The following CENPK variants were observed in gnomAD, a reference collection of about 807,000 sequenced individuals.
The protein encoded by CENPK is SoxLZ/Sox6-binding protein Solt.
CENPK carries 46 observed loss-of-function variants against 40.9 expected under a neutral mutation model. That is an observed-to-expected ratio of 1.13 (90% CI 0.89 to 1.44). The LOEUF is 1.44. Among genes scored for constraint, CENPK ranks in the 40% most tolerant of loss-of-function variants. The pLI is 0.00. For synonymous variants in CENPK, 107 were observed against 104.4 expected (o/e 1.02, Z -0.15); for missense variants, 288 against 303.5 (o/e 0.95, Z 0.38).
the CENPK span, among the ~76,000 whole-genome samples, chr5:65,499,327 C>A: frequency 6.6e-6 from 1 of 150,870 alleles, no homozygotes; most frequent in Non-Finnish European, 1.5e-5. Context: ...GTTCGTTGAG[C>A]AATTGAAAAA....
intron 4 of CENPK, 99 bp downstream of exon 4, chr5:65,552,394 G>C (rs1408096762): frequency 1.6e-5 from 11 of 670,506 alleles, no homozygotes; most frequent in Non-Finnish European, 2.5e-5. Flanking sequence ...TATTAACAAA[G>C]GTATTAAACT....
chr5:65,527,497 CCATATATATATATATATATA>C (rs1744914123), intron 9 of CENPK, among the ~76,000 whole-genome samples: 1 of 86,270 alleles, frequency 1.2e-5, no homozygotes, highest in East Asian at 3.7e-4. Flanking sequence ...CTTATTAACA[CCATATATATATATATATATA>C]TATATATATA....
At chr5:65,521,640 G>C in intron 9 of CENPK, 112 bp from the exon 10 acceptor site, 1 of 766,276 alleles carries the variant, frequency 1.3e-6, no homozygotes, top group Non-Finnish European at 2.1e-6. Context: ...CATTCTTGGC[G>C]CCCAGGCTGG....
At position 65,529,398 on chromosome 5, in the gene CENPK, TACA is replaced by T. The variant is rs544070029; in HGVS notation, c.289-202_289-200del. On this transcript the variant is annotated intron_variant, in intron 6 of 10. Transcript: ENST00000396679. ...AATATTCTATGGTTAAATTAAAAAA[TACA>T]AGAGGTTTTGAGCAGTAAATTTTAA... 14 of 471,318 alleles carry T rather than the reference TACA, an allele frequency of 3.0e-5. No individual in the cohort carries two copies. In the Middle Eastern group the frequency reaches 1.7e-3, roughly 57 times the overall value. The allele number at this position is 471,318 out of a possible 1,614,324, so 29.2% of individuals were successfully genotyped here.
At chr5:65,559,528 C>T (rs1751584771) in intron 2 of CENPK, among the ~76,000 whole-genome samples, 1 of 149,910 alleles carries the variant, frequency 6.7e-6, no homozygotes, top group Admixed American at 6.7e-5. Context: ...ACTTGGGAGG[C>T]TGAGGCAGGA....
At chr5:65,497,293 G>A in the CENPK span, among the ~76,000 whole-genome samples, 2 of 151,108 alleles carry the variant, frequency 1.3e-5, no homozygotes, top group East Asian at 2.0e-4. Flanking sequence ...GCTTGAACCC[G>A]GGAGATGGAG....
At chr5:65,562,968 G>A (rs547228205) in intron 1 of CENPK, 130 bp downstream of exon 1, 48 of 187,478 alleles carry the variant, frequency 2.6e-4, no homozygotes, top group African/African-American at 1.0e-3. Context: ...GCGGGAAGCC[G>A]AGAAGAACGG....
At chr5:65,535,604 G>A (rs768579556) in intron 6 of CENPK, among the ~76,000 whole-genome samples, 13 of 152,122 alleles carry the variant, frequency 8.5e-5, no homozygotes, top group Non-Finnish European at 1.9e-4. Context: ...CTGCCAACTC[G>A]CCACGTCACA....
intron 2 of CENPK, among the ~76,000 whole-genome samples, chr5:65,558,215 G>A (rs1485264518): frequency 2.6e-5 from 4 of 152,136 alleles, no homozygotes; most frequent in Non-Finnish European, 5.9e-5. Context: ...GTAGCTGGAG[G>A]GAGATATAGG....
At chr5:65,503,110 A>AT in the CENPK span, among the ~76,000 whole-genome samples, 8,258 of 126,836 alleles carry the variant, frequency 0.065, 612 homozygotes, top group African/African-American at 0.15. Flanking sequence ...CCAATGTAAT[A>AT]TTTTTTTTTT....
At chr5:65,528,409 T>G (rs1416171520) in intron 9 of CENPK, 43 bp downstream of exon 9, 1 of 1,548,834 alleles carries the variant, frequency 6.5e-7, no homozygotes, top group Admixed American at 2.2e-5. Flanking sequence ...CTAAAATAAT[T>G]TCAAATATGA....
chr5:65,512,878 G>A (rs1214622756), downstream of CENPK, among the ~76,000 whole-genome samples: 2 of 152,156 alleles, frequency 1.3e-5, no homozygotes, highest in Admixed American at 6.5e-5. Flanking sequence ...AGCCATTGTG[G>A]TAGGCACATA....
chr5:65,550,484 T>C (rs1353092684), intron 5 of CENPK: 4 of 152,166 alleles, frequency 2.6e-5, no homozygotes, highest in Non-Finnish European at 5.9e-5. Context: ...ACACACAACA[T>C]TTATTGGTTA....
intron 5 of CENPK, among the ~76,000 whole-genome samples, chr5:65,543,089 G>A (rs760733425): frequency 2.0e-5 from 3 of 152,040 alleles, no homozygotes; most frequent in Non-Finnish European, 4.4e-5. Context: ...TCAGCCTCCT[G>A]AGTAGCTGGG....
downstream of CENPK, among the ~76,000 whole-genome samples, chr5:65,515,204 A>AATTTTTTTTTTTTTTTTTTTT (rs35708852): frequency 8.1e-6 from 1 of 124,056 alleles, no homozygotes; most frequent in Admixed American, 9.1e-5. Context: ...TCTCAAAAAA[A>AATTTTTTTTTTTTTTTTTTTT]TTTTTTTTTT....
At chr5:65,530,433 T>C (rs1745578054) in intron 6 of CENPK, among the ~76,000 whole-genome samples, 1 of 152,188 alleles carries the variant, frequency 6.6e-6, no homozygotes, top group Admixed American at 6.5e-5. Flanking sequence ...AAGGAAAACA[T>C]TATGTTACTC....
the CENPK span, among the ~76,000 whole-genome samples, chr5:65,504,315 A>G: frequency 6.6e-6 from 1 of 151,772 alleles, no homozygotes; most frequent in Non-Finnish European, 1.5e-5. Context: ...AATTAGCCGG[A>G]CTTGGTGGCA....
chr5:65,503,028 A>C, the CENPK span, among the ~76,000 whole-genome samples: 7 of 151,090 alleles, frequency 4.6e-5, no homozygotes, highest in Non-Finnish European at 8.8e-5. Context: ...CAAACTCCTG[A>C]CCTCAATTGA....
chr5:65,497,259 T>C, the CENPK span, among the ~76,000 whole-genome samples: 1 of 151,342 alleles, frequency 6.6e-6, no homozygotes, highest in African/African-American at 2.4e-5. Context: ...TCCCAGCTAC[T>C]CGGGTGGCTA....
Sources: allele counts gnomAD v4.1 joint callset (sites outside exome capture counted in the v4.1 genomes callset), GRCh38; gene constraint gnomAD v4.1.1; transcripts MANE v1.5; gene names NCBI Gene and HGNC (gene_info 2026-07-23, HGNC 2026-07-21).